Variants in ABLIM1 observed in about 807,000 individuals in gnomAD.
The protein encoded by ABLIM1 is actin-binding LIM protein 1.
A neutral mutation model predicts 107.0 loss-of-function variants in ABLIM1; 40 were observed. The ratio of observed to expected loss-of-function variants is 0.37; its 90% CI spans 0.29 to 0.49. The LOEUF (loss-of-function observed/expected upper bound fraction) is 0.49. ABLIM1 is among the 20% of genes least tolerant of loss of function. ABLIM1 has a pLI of 0.97. For synonymous variants in ABLIM1, 357 were observed against 357.3 expected (o/e 1.00, Z 0.01); for missense variants, 857 against 1,008.5 (o/e 0.85, Z 2.04).
In ABLIM1 at chr10:114,480,628, G is replaced by A. The variant is rs143665874; in HGVS notation, c.1042-6672C>T. Among the ~76,000 whole-genome samples, 76 of 152,318 alleles carry A rather than the reference G, an allele frequency of 5.0e-4. 1 individual carries two copies. In the East Asian group the frequency reaches 0.012, roughly 25 times the overall value. Reference sequence around the variant, plus strand: ...GTAGATAGATACAGAATTATATATGGTAGTGATCGCTCAGAGTATTTTGCC... The same window carrying A: ...GTAGATAGATACAGAATTATATATGATAGTGATCGCTCAGAGTATTTTGCC... On this transcript the variant is annotated intron_variant, in intron 8 of 22. Coordinates refer to ENST00000533213, the MANE Select transcript of ABLIM1 (RefSeq NM_002313.7).
chr10:114,547,039 A>G (rs1286925898), intron 5 of ABLIM1, among the ~76,000 whole-genome samples: 1 of 151,856 alleles, frequency 6.6e-6, no homozygotes, highest in African/African-American at 2.4e-5. Context: ...TGATCCTCCC[A>G]CCTTGGCCTC....
the ABLIM1 span, among the ~76,000 whole-genome samples, chr10:114,787,581 G>A: frequency 1.4e-5 from 2 of 145,376 alleles, no homozygotes; most frequent in East Asian, 4.1e-4. Context: ...GAGGGAGGTG[G>A]GGGGTCAGCC....
chr10:114,610,422 T>C (rs776637161), intron 1 of ABLIM1, among the ~76,000 whole-genome samples: 2 of 152,154 alleles, frequency 1.3e-5, no homozygotes, highest in East Asian at 1.9e-4. Context: ...CAGTCTACGT[T>C]TGAGAGAGAC....
rs561488109 is a variant in ABLIM1, at chr10:114,743,923, C to T, written c.-213+24138G>A. On this transcript the variant is annotated intron_variant, in intron 1 of 15. Transcript: ENST00000651092. ...CAAAACATACAAAACATAAAGCACACGTAGGGCTTCCCTGGGAACCCAAGA... is the reference window on the plus strand; with the variant it reads ...CAAAACATACAAAACATAAAGCACATGTAGGGCTTCCCTGGGAACCCAAGA... 4.6e-5 allele frequency among the ~76,000 whole-genome samples: 7 copies of T among 152,296 alleles called. No individual in the cohort carries two copies. The South Asian group carries it at 1.2e-3, about 27-fold the overall frequency.
chr10:114,551,462 C>G (rs1175282865), intron 4 of ABLIM1, among the ~76,000 whole-genome samples: 1 of 151,512 alleles, frequency 6.6e-6, no homozygotes, highest in Admixed American at 6.6e-5. Context: ...GAGGCTGAAG[C>G]GGAGTTACAC....
At chr10:114,556,632 C>T (rs1371301439) in intron 4 of ABLIM1, among the ~76,000 whole-genome samples, 2 of 152,192 alleles carry the variant, frequency 1.3e-5, no homozygotes, top group Non-Finnish European at 2.9e-5. Context: ...GATTCAGGCA[C>T]TTGAAAACCT....
chr10:114,573,374 C>A (rs983696194), intron 3 of ABLIM1, among the ~76,000 whole-genome samples: 17 of 152,192 alleles, frequency 1.1e-4, no homozygotes, highest in African/African-American at 4.1e-4. Flanking sequence ...AAAAAGGAGG[C>A]CCCAATTCAG....
At chr10:114,697,626 A>T (rs1200828546) in intron 1 of ABLIM1, among the ~76,000 whole-genome samples, 1 of 152,256 alleles carries the variant, frequency 6.6e-6, no homozygotes, top group Non-Finnish European at 1.5e-5. Flanking sequence ...GTTTATAGGT[A>T]TCCAAATCAT....
chr10:114,757,680 C>T (rs1191813611), intron 1 of ABLIM1, among the ~76,000 whole-genome samples: 1 of 152,230 alleles, frequency 6.6e-6, no homozygotes. Context: ...CTTATCTTGA[C>T]CATTACGGTA....
rs933912339 is a variant in ABLIM1 at position 114,533,944 on chromosome 10, C to T, written c.894+11061G>A. 6.6e-5 allele frequency among the ~76,000 whole-genome samples: 10 copies of T among 152,324 alleles called. No homozygotes were observed. The South Asian group carries it at 1.4e-3, about 22-fold the overall frequency. ...CCTCCTGCTTTGGCCTCCCAAAGTG[C>T]TGGGATTACAAGCATGAGCTACCAC... On this transcript the variant is annotated intron_variant, in intron 6 of 22. Coordinates refer to ENST00000533213, the MANE Select transcript of ABLIM1 (RefSeq NM_002313.7).
the ABLIM1 span, among the ~76,000 whole-genome samples, chr10:114,774,971 C>T: frequency 4.6e-5 from 7 of 152,164 alleles, no homozygotes; most frequent in East Asian, 1.9e-4. Context: ...ACTGCTATAA[C>T]GATACTACCT....
At chr10:114,453,303 T>C in intron 13 of ABLIM1, 76 bp downstream of exon 13, 1 of 1,459,010 alleles carries the variant, frequency 6.9e-7, no homozygotes, top group Non-Finnish European at 9.6e-7. Context: ...GCATGAGAGA[T>C]GAGACAAGAC....
chr10:114,794,785 T>G, the ABLIM1 span, among the ~76,000 whole-genome samples: 1 of 152,202 alleles, frequency 6.6e-6, no homozygotes, highest in Admixed American at 6.5e-5. Context: ...TTGTCTTTCT[T>G]TGACTCTCAG....
chr10:114,566,642 G>A (rs553007034), intron 4 of ABLIM1, among the ~76,000 whole-genome samples: 10 of 152,270 alleles, frequency 6.6e-5, no homozygotes, highest in South Asian at 4.1e-4. Context: ...TTGCTTTCAC[G>A]TAATGTTTAT....
chr10:114,470,793 G>A (rs982127968), intron 10 of ABLIM1, among the ~76,000 whole-genome samples: 2 of 152,180 alleles, frequency 1.3e-5, no homozygotes, highest in Admixed American at 6.5e-5. Flanking sequence ...TAAGGAGATT[G>A]AGGTATATAA....
At chr10:114,605,198 G>A (rs1181014904) in intron 1 of ABLIM1, among the ~76,000 whole-genome samples, 3 of 152,174 alleles carry the variant, frequency 2.0e-5, no homozygotes, top group African/African-American at 7.2e-5. Context: ...CCCAACTCAA[G>A]TCAGTGTCAA....
At chr10:114,439,321 T>C (rs2059874482) in intron 20 of ABLIM1, 71 bp from the exon 21 acceptor site, 3 of 1,504,628 alleles carry the variant, frequency 2.0e-6, no homozygotes, top group Admixed American at 1.7e-5. Context: ...ACTCTTGGGC[T>C]CCCAATTCCC....
the ABLIM1 span, among the ~76,000 whole-genome samples, chr10:114,781,032 T>C: frequency 6.6e-6 from 1 of 152,170 alleles, no homozygotes; most frequent in African/African-American, 2.4e-5. Flanking sequence ...CCGTGGTTGT[T>C]AGGGGCAACA....
upstream of ABLIM1, among the ~76,000 whole-genome samples, chr10:114,659,882 G>A (rs893665855): frequency 5.9e-5 from 9 of 152,248 alleles, no homozygotes; most frequent in East Asian, 1.9e-4. Flanking sequence ...TCCAATAGTC[G>A]GGTCCTTCCA....
Sources: allele counts gnomAD v4.1 joint callset (sites outside exome capture counted in the v4.1 genomes callset), GRCh38; gene constraint gnomAD v4.1.1; transcripts MANE v1.5; gene names NCBI Gene and HGNC (gene_info 2026-07-23, HGNC 2026-07-21).